The following SGCG variants were observed in gnomAD, a reference collection of about 807,000 sequenced individuals.
The protein encoded by SGCG is gamma-sarcoglycan.
A neutral mutation model predicts 29.3 loss-of-function variants in SGCG; 26 were observed. That is an observed-to-expected ratio of 0.89 (90% CI 0.65 to 1.23). The LOEUF is 1.23. SGCG is among the 50% of genes most tolerant of loss of function. The probability of loss-of-function intolerance (pLI) is 0.00; values close to 1 mark genes in which losing one functional copy is unlikely to be tolerated. For synonymous variants in SGCG, 145 were observed against 129.7 expected (o/e 1.12, Z -0.80); for missense variants, 353 against 356.0 (o/e 0.99, Z 0.07).
At chr13:23,201,330 T>C (rs1346721328) in intron 1 of SGCG, among the ~76,000 whole-genome samples, 1 of 150,622 alleles carries the variant, frequency 6.6e-6, no homozygotes, top group African/African-American at 2.5e-5. Context: ...ATTCGTGTTC[T>C]AATAACCCCT....
chr13:23,195,018 C>T (rs1473937911), intron 1 of SGCG, among the ~76,000 whole-genome samples: 1 of 152,196 alleles, frequency 6.6e-6, no homozygotes, highest in Non-Finnish European at 1.5e-5. Context: ...CAGCCAACTA[C>T]TAACTTAACA....
At chr13:23,252,083 TTC>T (rs1879989956) in intron 4 of SGCG, among the ~76,000 whole-genome samples, 1 of 152,194 alleles carries the variant, frequency 6.6e-6, no homozygotes, top group Non-Finnish European at 1.5e-5. Flanking sequence ...TCCAGTGAAA[TTC>T]TCTGTGGATC....
At chr13:23,184,768 C>T (rs748704237) in intron 1 of SGCG, among the ~76,000 whole-genome samples, 5 of 152,196 alleles carry the variant, frequency 3.3e-5, no homozygotes, top group African/African-American at 1.2e-4. Flanking sequence ...TAGCCGGCTT[C>T]CCTCATTGCC....
At chr13:23,214,493 C>A (rs1220343822) in intron 2 of SGCG, among the ~76,000 whole-genome samples, 2 of 152,214 alleles carry the variant, frequency 1.3e-5, no homozygotes, top group African/African-American at 2.4e-5. Context: ...GACACATCAA[C>A]TTCTTTGCTC....
In SGCG at chr13:23,218,370, C is replaced by T. The variant is rs189780766; in HGVS notation, c.195+14481C>T. ...TTATGGCATATAAACACCAAATATA[C>T]CACTGGAACATAAAGAGATTTCAGA... On this transcript the variant is annotated intron_variant, in intron 2 of 7. Coordinates refer to ENST00000218867, the MANE Select transcript of SGCG (RefSeq NM_000231.3). 3.9e-5 allele frequency among the ~76,000 whole-genome samples: 6 copies of T among 152,078 alleles called. No homozygotes were observed. The South Asian group carries it at 6.3e-4, about 16-fold the overall frequency.
chr13:23,324,595 C>T lies in SGCG; in HGVS notation c.*54C>T, dbSNP rs193022162. ...CAGTGCCGGCCCCAGATCCTCACAC[C>T]CAGGGAGCAGCTGCACATCGTGAAA... is the stretch of plus-strand genomic sequence containing the variant. On this transcript the variant is annotated 3_prime_UTR_variant, in exon 8 of 8. Transcript: ENST00000218867. 4.4e-3 allele frequency: 6,620 copies of T among 1,497,486 alleles called. 27 individuals carry two copies. Among genetic ancestry groups the T allele is most frequent in the Middle Eastern group, 6.1e-3 (26 of 4,264 alleles). 92.8% of individuals were successfully genotyped at this position (1,497,486 alleles called of 1,614,324 possible). A position where few individuals can be genotyped will look rare whatever the true frequency, so the allele number is the denominator to read the frequency against.
intron 3 of SGCG, among the ~76,000 whole-genome samples, chr13:23,241,613 C>G (rs1022170407): frequency 1.3e-5 from 2 of 152,118 alleles, no homozygotes; most frequent in African/African-American, 4.8e-5. Context: ...CTTCCTAACT[C>G]ATTACACAAG....
At chr13:23,316,492 TC>T (rs1882816717) in intron 6 of SGCG, among the ~76,000 whole-genome samples, 1 of 152,192 alleles carries the variant, frequency 6.6e-6, no homozygotes, top group Admixed American at 6.5e-5. Flanking sequence ...GGTGGAATGT[TC>T]TTTTAAAGTC....
intron 4 of SGCG, among the ~76,000 whole-genome samples, chr13:23,252,699 C>A (rs1157386026): frequency 6.9e-6 from 1 of 145,260 alleles, no homozygotes; most frequent in Non-Finnish European, 1.5e-5. Flanking sequence ...TCAAAAAAAA[C>A]AAAACAAAAC....
At chr13:23,277,415 A>T (rs944328374) in intron 4 of SGCG, among the ~76,000 whole-genome samples, 3 of 71,034 alleles carry the variant, frequency 4.2e-5, no homozygotes, top group African/African-American at 1.4e-4. Context: ...GAAGCTTTTA[A>T]AAAAAAAAAG....
At chr13:23,214,910 A>G (rs1202501383) in intron 2 of SGCG, among the ~76,000 whole-genome samples, 1 of 152,208 alleles carries the variant, frequency 6.6e-6, no homozygotes, top group Non-Finnish European at 1.5e-5. Context: ...TTGGAGGAGG[A>G]AGATAAACCT....
chr13:23,309,265 GAA>G (rs1272279580), intron 6 of SGCG, among the ~76,000 whole-genome samples: 2 of 152,006 alleles, frequency 1.3e-5, no homozygotes, highest in Non-Finnish European at 2.9e-5. Context: ...GAGAGAGAGA[GAA>G]AGAGGAAGAT....
chr13:23,240,674 T>C (rs997704031), intron 3 of SGCG, among the ~76,000 whole-genome samples: 4 of 151,004 alleles, frequency 2.6e-5, no homozygotes. Flanking sequence ...TCTGAAAATT[T>C]TTTGAATAAC....
At chr13:23,320,801 A>G in intron 7 of SGCG, 41 bp downstream of exon 7, 1 of 1,592,082 alleles carries the variant, frequency 6.3e-7, no homozygotes, top group Non-Finnish European at 8.6e-7. Flanking sequence ...GTATGTCCTG[A>G]TGATATTCCT....
intron 6 of SGCG, among the ~76,000 whole-genome samples, chr13:23,315,977 C>T (rs1026164159): frequency 2.0e-5 from 3 of 152,168 alleles, no homozygotes; most frequent in Non-Finnish European, 2.9e-5. Context: ...TCTCTTTCCC[C>T]AGTCACCCCT....
chr13:23,260,580 C>G (rs1225714291), intron 4 of SGCG, among the ~76,000 whole-genome samples: 1 of 151,880 alleles, frequency 6.6e-6, no homozygotes, highest in East Asian at 1.9e-4. Flanking sequence ...CAATTTGATC[C>G]TGTCATTATG....
At chr13:23,322,183 C>T (rs2137530474) in intron 7 of SGCG, among the ~76,000 whole-genome samples, 1 of 152,202 alleles carries the variant, frequency 6.6e-6, no homozygotes, top group Admixed American at 6.5e-5. Flanking sequence ...CAGTGAGTGA[C>T]ATGGGTTGTG....
intron 2 of SGCG, among the ~76,000 whole-genome samples, chr13:23,234,077 C>G (rs9550935): frequency 0.15 from 22,982 of 152,206 alleles, 1,785 homozygotes; most frequent in East Asian, 0.29. Flanking sequence ...TGACTGTAAA[C>G]TCCTTGAGAG....
chr13:23,257,590 C>T (rs1038370866), intron 4 of SGCG, among the ~76,000 whole-genome samples: 46 of 152,104 alleles, frequency 3.0e-4, no homozygotes, highest in Non-Finnish European at 4.9e-4. Context: ...GTTGCCATTG[C>T]TTTTGGTGTT....
Sources: gnomAD v4.1 joint callset for allele counts (sites outside exome capture counted in the v4.1 genomes callset) on GRCh38, gnomAD v4.1.1 for gene constraint, MANE v1.5 for transcripts, NCBI Gene and HGNC (gene_info 2026-07-23, HGNC 2026-07-21) for gene names.